The following NPC1L1 variants were observed in gnomAD, a reference collection of about 807,000 sequenced individuals.
The protein encoded by NPC1L1 is NPC1-like intracellular cholesterol transporter 1.
A neutral mutation model predicts 117.0 loss-of-function variants in NPC1L1; 98 were observed. That is an observed-to-expected ratio of 0.84 (90% CI 0.71 to 0.99). NPC1L1 has a LOEUF of 0.99. NPC1L1 is among the 50% of genes least tolerant of loss of function. The pLI, the probability that NPC1L1 is intolerant of heterozygous loss-of-function variation, is 0.00. For synonymous variants in NPC1L1, 729 were observed against 727.6 expected, an observed-to-expected ratio of 1.00 and a Z score of -0.03; for missense variants, 1,540 against 1,710.0, an observed-to-expected ratio of 0.90 and a Z score of 1.75.
Position 44,513,108 on chromosome 7 carries a change from GA to G in NPC1L1, c.*338del, listed in dbSNP as rs1159537953. ...ACTTTCGAGAGAGGAACTGAGAAGG[GA>G]AAAGTTGGATGAGAAGTGGGCTCCT... On this transcript the variant is annotated 3_prime_UTR_variant, in exon 19 of 19. Coordinates refer to ENST00000381160, the MANE Select transcript of NPC1L1 (RefSeq NM_001101648.2). The G allele has an allele frequency of 1.0e-5, 4 of 390,200 alleles. No homozygotes were observed. Among genetic ancestry groups the G allele is most frequent in the Admixed American group, 3.7e-5 (1 of 27,328 alleles). 24.2% of individuals were successfully genotyped at this position (390,200 alleles called of 1,614,324 possible).
intron 16 of NPC1L1, 122 bp downstream of exon 16, chr7:44,516,581 G>C: frequency 3.5e-6 from 3 of 848,728 alleles, no homozygotes; most frequent in Non-Finnish European, 5.8e-6. Flanking sequence ...CCTCAAGCCT[G>C]AGCAACAGAG....
chr7:44,527,461 C>CAA (rs1160435212), intron 10 of NPC1L1, among the ~76,000 whole-genome samples: 2,653 of 38,098 alleles, frequency 0.07, 115 homozygotes, highest in East Asian at 0.31. Context: ...AACAACTTCT[C>CAA]AAAAAAAAAA....
chr7:44,513,773 C>T, intron 18 of NPC1L1, 124 bp from the exon 19 acceptor site: 1 of 1,027,030 alleles, frequency 9.7e-7, no homozygotes, highest in Non-Finnish European at 1.5e-6. Flanking sequence ...TGCCATGTGC[C>T]TTCCAGGGTC....
chr7:44,528,592 G>T (rs562991760), intron 10 of NPC1L1, among the ~76,000 whole-genome samples: 1 of 152,146 alleles, frequency 6.6e-6, no homozygotes, highest in Non-Finnish European at 1.5e-5. Flanking sequence ...AAAAGAAAAT[G>T]AGAAGGAAAA....
In NPC1L1 at chr7:44,537,635, T is replaced by C. The variant is rs138788343; in HGVS notation, c.1581-693A>G. Among the ~76,000 whole-genome samples, 328 of 152,200 alleles carry C rather than the reference T, an allele frequency of 2.2e-3. 16 individuals are homozygous for C. The South Asian group carries it at 0.061, about 28-fold the overall frequency. On this transcript the variant is annotated intron_variant, in intron 2 of 18. Transcript: ENST00000381160. ...CCTCTCTCAGATCTCAGCAAGCGAG[T>C]GCTGGTTGCTGTGTGACCTTGAGCA...
chr7:44,521,627 G>A, intron 12 of NPC1L1, 85 bp downstream of exon 12: 1 of 1,599,340 alleles, frequency 6.3e-7, no homozygotes, highest in African/African-American at 1.3e-5. Context: ...GAGAGGTTGA[G>A]GGAGCCTCTC....
chr7:44,520,075 TTTGAGACCAGC>T (rs1801304982), intron 14 of NPC1L1, among the ~76,000 whole-genome samples: 1 of 151,870 alleles, frequency 6.6e-6, no homozygotes, highest in Non-Finnish European at 1.5e-5. Flanking sequence ...AGGTCAGGAG[TTTGAGACCAGC>T]TTGGCCAACG....
rs746916039 is a variant in NPC1L1, at chr7:44,520,837, G to A, written c.3081-17C>T. On this transcript the variant is annotated splice_polypyrimidine_tract_variant and intron_variant, in intron 13 of 18. Transcript: ENST00000381160. ...GCCAGGCCGCTGCAAGAAGGTCAGG[G>A]CAAAGGCTTAGCCAGGGACGAAGCT... 8.1e-6 allele frequency: 13 copies of A among 1,613,920 alleles called. No individual in the cohort carries two copies. In the East Asian group the frequency reaches 2.7e-4, roughly 33 times the overall value.
chr7:44,528,979 G>A lies in NPC1L1; in HGVS notation c.2637+2776C>T, dbSNP rs536533868. ...CCAGCTACTCAGGAGGCTGAGGCAG[G>A]AGAATTGCTTGAACCCGGGAGGTGT... is the stretch of plus-strand genomic sequence containing the variant. On this transcript the variant is annotated intron_variant, in intron 10 of 18. Transcript: ENST00000381160. Among the ~76,000 whole-genome samples, 6 of 151,994 alleles carry A rather than the reference G, an allele frequency of 3.9e-5. No homozygotes were observed. The South Asian group carries it at 1.2e-3, about 32-fold the overall frequency.
intron 13 of NPC1L1, 41 bp downstream of exon 13, chr7:44,520,951 A>G (rs1463064528): frequency 1.2e-6 from 2 of 1,613,886 alleles, no homozygotes; most frequent in African/African-American, 2.7e-5. Context: ...CCTGTGTCCC[A>G]CATGTCTGTC....
At position 44,539,112 on chromosome 7, in the gene NPC1L1, G is replaced by GC; in HGVS notation, c.1284dup (p.Pro429AlafsTer117). 2 of 1,614,124 alleles carry GC rather than the reference G, an allele frequency of 1.2e-6. No individual in the cohort carries two copies. Among genetic ancestry groups the GC allele is most frequent in the Non-Finnish European group, 1.7e-6 (2 of 1,180,016 alleles). On this transcript the variant is annotated frameshift_variant, in exon 2 of 19. Transcript: ENST00000381160. LOFTEE classifies it high-confidence loss of function. This position sits in a 1 kb window ranked among gnomAD's most constrained non-coding sequence, Gnocchi z 4.4. ...TCCAGGATTCCGCTGAAGTTCTTGGGCCCCAGCAGCAGAGAGTCATACCTG... is the reference window on the plus strand; with the variant it reads ...TCCAGGATTCCGCTGAAGTTCTTGGGCCCCCAGCAGCAGAGAGTCATACCTG...
intron 10 of NPC1L1, among the ~76,000 whole-genome samples, chr7:44,526,209 C>G (rs1801511857): frequency 6.6e-6 from 1 of 151,582 alleles, no homozygotes; most frequent in Non-Finnish European, 1.5e-5. Flanking sequence ...GAAGAAAAAA[C>G]AATTGTCAAT....
In NPC1L1 at chr7:44,522,132, C is replaced by A; in HGVS notation, c.2748G>T (p.Met916Ile). 1 of 1,614,022 alleles carries A rather than the reference C, an allele frequency of 6.2e-7. No homozygotes were observed. The highest frequency in any genetic ancestry group is 1.1e-5 in the South Asian group (1 of 91,054). ...LGYNFSSEAG[M>I]NAICSSAGCN... ...AGCCTGCACTGGAGCAGATGGCATT[C>A]ATCCCAGCCTCGCTGGAGAAGTTGT... is the stretch of plus-strand genomic sequence containing the variant. The change falls in exon 11 of 19, where the codon ATG becomes ATT. Residue 916 changes from methionine (M) to isoleucine (I), a missense_variant. Physicochemically the swap from Met to Ile is conservative, Grantham distance 10 (BLOSUM62 1). Transcript: ENST00000381160.
intron 18 of NPC1L1, among the ~76,000 whole-genome samples, chr7:44,515,396 C>A (rs1390737217): frequency 5.3e-5 from 8 of 152,160 alleles, no homozygotes; most frequent in Admixed American, 1.3e-4. Flanking sequence ...CCAGCAATAT[C>A]AGAATGCTTC....
rs1297463570 is a variant in NPC1L1 at position 44,515,312 on chromosome 7, C to T, written c.3796+491G>A. Among the ~76,000 whole-genome samples, 3 of 152,162 alleles carry T rather than the reference C, an allele frequency of 2.0e-5. No homozygotes were observed. The East Asian group carries it at 5.8e-4, about 29-fold the overall frequency. On this transcript the variant is annotated intron_variant, in intron 18 of 18. Transcript: ENST00000381160. ...AAGGTGGCAGTGAGCTGTGATCATG[C>T]TACTGCACTCCAGCCTGGGTGTCAG...
At chr7:44,530,530 G>A (rs1801664524) in intron 10 of NPC1L1, among the ~76,000 whole-genome samples, 1 of 151,762 alleles carries the variant, frequency 6.6e-6, no homozygotes, top group Non-Finnish European at 1.5e-5. Context: ...GGTTATAATG[G>A]TAATTTTCTA....
At position 44,521,034 on chromosome 7, in the gene NPC1L1, G is replaced by C; in HGVS notation, c.3038C>G (p.Pro1013Arg). 1 of 1,614,196 alleles carries C rather than the reference G, an allele frequency of 6.2e-7. No individual in the cohort carries two copies. Among genetic ancestry groups the C allele is most frequent in the Non-Finnish European group, 8.5e-7 (1 of 1,180,038 alleles). ...GTTGGGCCGGTCGTTCAGGAACCAG[G>C]GAAGATACTTATGGAACTGCTCCAC... ...PSVEQFHKYL[P>R]WFLNDRPNIK... is the part of the protein sequence containing the mutation. The change falls in exon 13 of 19, where the codon CCC becomes CGC. Residue 1013 changes from proline (P) to arginine (R), a missense_variant. Pro to Arg is a moderately radical substitution (Grantham distance 103). Around this residue, in one of 3 missense-constraint regions of NPC1L1, gnomAD observed 742 missense variants for 873.6 expected, o/e 0.85. Transcript: ENST00000381160.
chr7:44,517,504 A>C (rs994025006), intron 14 of NPC1L1, 147 bp from the exon 15 acceptor site: 1 of 1,062,056 alleles, frequency 9.4e-7, no homozygotes, highest in Non-Finnish European at 1.4e-6. Context: ...TTCTTAGTAA[A>C]TTTTGTGCAA....
At chr7:44,514,386 G>A (rs768716784) in intron 18 of NPC1L1, among the ~76,000 whole-genome samples, 3 of 152,172 alleles carry the variant, frequency 2.0e-5, no homozygotes, top group Non-Finnish European at 2.9e-5. Context: ...ATATTAATGA[G>A]ACCGGGTGCG....
Sources: gnomAD v4.1 joint callset for allele counts (sites outside exome capture counted in the v4.1 genomes callset) on GRCh38, gnomAD v4.1.1 for gene constraint, gnomAD v4.1.1 regional missense constraint, Gnocchi (gnomAD v3.1) non-coding constraint, MANE v1.5 for transcripts, NCBI Gene and HGNC (gene_info 2026-07-23, HGNC 2026-07-21) for gene names.